The following NFIC variants were observed in gnomAD, a reference collection of about 807,000 sequenced individuals.
NFIC encodes nuclear factor I C, also known as nuclear factor 1 C-type.
Under a neutral mutation model 54.4 loss-of-function variants are expected in NFIC, and 12 were observed. The ratio of observed to expected loss-of-function variants is 0.22; its 90% CI spans 0.14 to 0.36. The LOEUF (loss-of-function observed/expected upper bound fraction) is 0.36, where lower values mean the gene tolerates loss of function less well. Ranked by LOEUF, NFIC falls within the 10% of genes least tolerant of loss-of-function variation. NFIC has a pLI of 1.00. For missense variants in NFIC, 575 were observed against 718.2 expected (o/e 0.80, Z 2.28); for synonymous variants, 322 against 319.2 (o/e 1.01, Z -0.09).
At position 3,381,765 on chromosome 19, in the gene NFIC, C is replaced by T. The variant is rs1318227012; in HGVS notation, c.84C>T (p.Ala28=). The change falls in exon 2 of 11, where the codon GCC becomes GCT. Residue 28 remains alanine (A), a synonymous_variant. Transcript: ENST00000443272. ...EALLPHVRAF[A]YTWFNLQARK... is the part of the protein sequence containing the mutation. Reference sequence around the variant, plus strand: ...TGCTGCCTCACGTCCGCGCCTTCGCCTACACCTGGTTCAACCTGCAGGCGC... The same window carrying T: ...TGCTGCCTCACGTCCGCGCCTTCGCTTACACCTGGTTCAACCTGCAGGCGC... 1 of 1,613,910 alleles carries T rather than the reference C, an allele frequency of 6.2e-7. No homozygotes were observed. Among genetic ancestry groups the T allele is most frequent in the Non-Finnish European group, 8.5e-7 (1 of 1,179,946 alleles).
intron 5 of NFIC, 26 bp downstream of exon 5, chr19:3,434,426 G>C: frequency 6.4e-7 from 1 of 1,573,232 alleles, no homozygotes. Context: ...CCCACCTCTG[G>C]GCATTTCATG....
rs2082615829 is a variant in NFIC, at chr19:3,459,910, C to G, written c.1510-2842C>G. Among the ~76,000 whole-genome samples the G allele has an allele frequency of 6.6e-6, 1 of 152,190 alleles. No homozygotes were observed. Among genetic ancestry groups the G allele is most frequent in the South Asian group, 2.1e-4 (1 of 4,832 alleles). On this transcript the variant is annotated intron_variant, in intron 10 of 10. Coordinates refer to ENST00000443272, the MANE Select transcript of NFIC (RefSeq NM_001245002.2). This position sits in a 1 kb window ranked among gnomAD's most constrained non-coding sequence, Gnocchi z 4.2. The stretch of plus-strand genomic sequence containing the variant: ...CTGCAGCGGTGGGGGGCGGCCCCAC[C>G]TCTAACCTCAGTTGGGGAGTGGAGG...
Position 3,366,586 on chromosome 19 carries a change from A to G in NFIC, c.-51A>G, listed in dbSNP as rs2145420237. On this transcript the variant is annotated 5_prime_UTR_variant, in exon 1 of 11. Coordinates refer to ENST00000443272, the MANE Select transcript of NFIC (RefSeq NM_001245002.2). ...GGGTGGTTTGGAAAAATGACTCAGTAAGTTCAGCGCGCCCGCTCCGGCCGG... is the reference window on the plus strand; with the variant it reads ...GGGTGGTTTGGAAAAATGACTCAGTGAGTTCAGCGCGCCCGCTCCGGCCGG... 1 of 1,185,140 alleles carries G rather than the reference A, an allele frequency of 8.4e-7. No homozygotes were observed. Among genetic ancestry groups the G allele is most frequent in the Non-Finnish European group, 1.2e-6 (1 of 852,124 alleles). The allele number at this position is 1,185,140 out of a possible 1,614,324, so 73.4% of individuals were successfully genotyped here.
rs1335657724 is a variant in NFIC at position 3,375,854 on chromosome 19, C to CGG, written c.31-5857_31-5856insGG. 9.8e-5 allele frequency among the ~76,000 whole-genome samples: 15 copies of CGG among 152,288 alleles called. 1 individual carries two copies. In the East Asian group the frequency reaches 2.9e-3, roughly 29 times the overall value. ...GCCCATCCCGGCCTGGAAATGGGAC[C>CGG]GAGTCCAGCCACATCCGCTGGCACA... On this transcript the variant is annotated intron_variant, in intron 1 of 10. Transcript: ENST00000443272. This position sits in a 1 kb window ranked among gnomAD's most constrained non-coding sequence, Gnocchi z 4.6.
chr19:3,374,107 T>A (rs2081067100), intron 1 of NFIC, among the ~76,000 whole-genome samples: 1 of 152,232 alleles, frequency 6.6e-6, no homozygotes. Flanking sequence ...TGAAGGATTG[T>A]TGAGTCACTT....
At chr19:3,395,654 G>A (rs1043361546) in intron 2 of NFIC, among the ~76,000 whole-genome samples, 4 of 151,496 alleles carry the variant, frequency 2.6e-5, no homozygotes, top group African/African-American at 7.3e-5. Context: ...GCACCACTAC[G>A]CCTGGCTGAT....
chr19:3,371,428 C>T lies in NFIC; in HGVS notation c.30+4762C>T, dbSNP rs1377562982. ...CAGCCTCCGGGGAGGCAGGACATTTCTGAGGTCCACAGTGCAGGGCTTGGT... is the reference window on the plus strand; with the variant it reads ...CAGCCTCCGGGGAGGCAGGACATTTTTGAGGTCCACAGTGCAGGGCTTGGT... On this transcript the variant is annotated intron_variant, in intron 1 of 10. Transcript: ENST00000443272. 2.0e-5 allele frequency: 3 copies of T among 149,568 alleles called. No homozygotes were observed. In the East Asian group the frequency reaches 6.0e-4, roughly 30 times the overall value. 9.3% of individuals were successfully genotyped at this position (149,568 alleles called of 1,614,324 possible).
At chr19:3,402,387 A>T (rs1172702614) in intron 2 of NFIC, among the ~76,000 whole-genome samples, 2 of 151,928 alleles carry the variant, frequency 1.3e-5, no homozygotes, top group Admixed American at 1.3e-4. Context: ...CCACTCCCCC[A>T]TGTACCATGT....
chr19:3,410,136 G>A (rs572181139), intron 2 of NFIC, among the ~76,000 whole-genome samples: 25 of 152,198 alleles, frequency 1.6e-4, no homozygotes, highest in South Asian at 4.1e-4. Flanking sequence ...CGCCTCCCGG[G>A]TTCACGCCAT....
upstream of NFIC, among the ~76,000 whole-genome samples, chr19:3,364,900 ATTGGTAT>A (rs1189475506): frequency 6.6e-6 from 1 of 152,126 alleles, no homozygotes; most frequent in Admixed American, 6.6e-5. Flanking sequence ...TTCACGTTAT[ATTGGTAT>A]GTGGATTTCC....
At chr19:3,385,412 A>G (rs2081279419) in intron 2 of NFIC, among the ~76,000 whole-genome samples, 1 of 152,052 alleles carries the variant, frequency 6.6e-6, no homozygotes, top group Non-Finnish European at 1.5e-5. Context: ...GCCCAGGGTG[A>G]GAGCTCAGTA....
intron 6 of NFIC, among the ~76,000 whole-genome samples, chr19:3,447,585 C>T (rs1418538565): frequency 4.6e-5 from 7 of 152,236 alleles, no homozygotes; most frequent in Admixed American, 3.3e-4. Flanking sequence ...GAGAATGCCC[C>T]GATGCCCAGG....
intron 2 of NFIC, among the ~76,000 whole-genome samples, chr19:3,407,063 C>T (rs940979539): frequency 3.3e-5 from 5 of 151,566 alleles, no homozygotes; most frequent in Middle Eastern, 3.4e-3. Flanking sequence ...GGGCCTTGAG[C>T]GCCATGGGGA....
chr19:3,438,969 C>T (rs1417412207), intron 6 of NFIC, among the ~76,000 whole-genome samples: 1 of 152,012 alleles, frequency 6.6e-6, no homozygotes, highest in Non-Finnish European at 1.5e-5. Flanking sequence ...AAGGGAGGAC[C>T]TCCCCGAGGA....
intron 2 of NFIC, among the ~76,000 whole-genome samples, chr19:3,415,522 C>T (rs2081839998): frequency 6.6e-6 from 1 of 152,056 alleles, no homozygotes; most frequent in Admixed American, 6.6e-5. Flanking sequence ...CCATTGGCCT[C>T]TGAAGCCCAG....
chr19:3,375,892 C>A lies in NFIC; in HGVS notation c.31-5820C>A, dbSNP rs535774362. Among the ~76,000 whole-genome samples, 6 of 152,252 alleles carry A rather than the reference C, an allele frequency of 3.9e-5. No homozygotes were observed. In the South Asian group the frequency reaches 1.2e-3, roughly 32 times the overall value. ...ATCCGCTGGCACACACAGTGGGAGT[C>A]CAGGGTCAACGTCTCCCTACCTTCC... On this transcript the variant is annotated intron_variant, in intron 1 of 10. Coordinates refer to ENST00000443272, the MANE Select transcript of NFIC (RefSeq NM_001245002.2). The surrounding 1 kb of genome is among the most constrained non-coding windows in gnomAD (Gnocchi z 4.6).
intron 10 of NFIC, among the ~76,000 whole-genome samples, chr19:3,461,257 C>CAAA (rs57979040): frequency 2.6e-5 from 2 of 78,228 alleles, no homozygotes; most frequent in Admixed American, 1.5e-4. Context: ...CCCACCTCTA[C>CAAA]AAAAAAAAAA....
In NFIC at chr19:3,464,743, C is replaced by G. The variant is rs1227397981; in HGVS notation, c.*1974C>G. 5 of 983,038 alleles carry G rather than the reference C, an allele frequency of 5.1e-6. No homozygotes were observed. Among genetic ancestry groups the G allele is most frequent in the Non-Finnish European group, 6.0e-6 (5 of 828,010 alleles). 60.9% of individuals were successfully genotyped at this position (983,038 alleles called of 1,614,324 possible). On this transcript the variant is annotated 3_prime_UTR_variant, in exon 11 of 11. Coordinates refer to ENST00000443272, the MANE Select transcript of NFIC (RefSeq NM_001245002.2). ...CCTAAAGAGAAAGACCCAGGACCCTCCCCCATCACCCCCAAGAGAGGTTCG... is the reference window on the plus strand; with the variant it reads ...CCTAAAGAGAAAGACCCAGGACCCTGCCCCATCACCCCCAAGAGAGGTTCG...
chr19:3,388,826 T>C (rs2081337234), intron 2 of NFIC, among the ~76,000 whole-genome samples: 1 of 112,892 alleles, frequency 8.9e-6, no homozygotes, highest in Non-Finnish European at 1.7e-5. Context: ...AGACCTTATC[T>C]CTAAAAACCG....
Sources: allele counts gnomAD v4.1 joint callset (sites outside exome capture counted in the v4.1 genomes callset), GRCh38; gene constraint gnomAD v4.1.1; non-coding constraint Gnocchi (gnomAD v3.1); transcripts MANE v1.5; gene names NCBI Gene and HGNC (gene_info 2026-07-23, HGNC 2026-07-21).